Variants in ZC3HC1 observed in about 807,000 individuals in gnomAD.
ZC3HC1 encodes zinc finger C3HC-type containing 1, also known as zinc finger C3HC-type protein 1.
Under a neutral mutation model 61.9 loss-of-function variants are expected in ZC3HC1, and 38 were observed. The observed-to-expected ratio is 0.61, with a 90% CI of 0.47 to 0.81. The LOEUF (loss-of-function observed/expected upper bound fraction) is 0.81. Among genes scored for constraint, ZC3HC1 ranks in the 30% least tolerant of loss-of-function variants. The pLI is 0.00. For missense variants in ZC3HC1, 554 were observed against 622.7 expected, an observed-to-expected ratio of 0.89 and a Z score of 1.17; for synonymous variants, 213 against 229.9, an observed-to-expected ratio of 0.93 and a Z score of 0.67.
rs374532483 is a variant in ZC3HC1 at position 130,032,668 on chromosome 7, T to TGGAAGGAAGGAAGGAA, written c.494-3655_494-3640dup. Among the ~76,000 whole-genome samples, 475 of 58,044 alleles carry TGGAAGGAAGGAAGGAA rather than the reference T, an allele frequency of 8.2e-3. 5 individuals carry two copies. The highest frequency in any genetic ancestry group is 0.01 in the East Asian group (18 of 1,720). The allele number at this position is 58,044 out of a possible 152,430, so 38.1% of individuals were successfully genotyped here. A position where few individuals can be genotyped will look rare whatever the true frequency, so the allele number is the denominator to read the frequency against. Reference sequence around the variant, plus strand: ...AGAAACGTGTACTTGATAGAAGAAATGGAAGGAAGGAAGGAAGGAAGGAAG... The same window carrying TGGAAGGAAGGAAGGAA: ...AGAAACGTGTACTTGATAGAAGAAATGGAAGGAAGGAAGGAAGGAAGGAAGGAAGGAAGGAAGGAAG... On this transcript the variant is annotated intron_variant, in intron 4 of 9. Coordinates refer to ENST00000358303, the MANE Select transcript of ZC3HC1 (RefSeq NM_016478.5).
chr7:130,034,735 C>A (rs1412112321), intron 4 of ZC3HC1, among the ~76,000 whole-genome samples: 1 of 152,082 alleles, frequency 6.6e-6, no homozygotes, highest in Middle Eastern at 3.2e-3. Context: ...AAGTGATCCT[C>A]CCACCTTGGC....
chr7:130,026,382 C>A lies in ZC3HC1; in HGVS notation c.622-70G>T, dbSNP rs1793911503. 4.0e-6 allele frequency: 6 copies of A among 1,517,638 alleles called. No individual in the cohort carries two copies. The South Asian group carries it at 7.3e-5, about 19-fold the overall frequency. The allele number at this position is 1,517,638 out of a possible 1,614,324, so 94.0% of individuals were successfully genotyped here. On this transcript the variant is annotated intron_variant, in intron 5 of 9. Coordinates refer to ENST00000358303, the MANE Select transcript of ZC3HC1 (RefSeq NM_016478.5). The stretch of plus-strand genomic sequence containing the variant: ...AAGAAAAATTACACATTATAACATA[C>A]CTAGATGGTACAAGCCGAAAATCAG...
chr7:130,032,108 T>C (rs1057414148), intron 4 of ZC3HC1, among the ~76,000 whole-genome samples: 15 of 151,812 alleles, frequency 9.9e-5, no homozygotes, highest in Middle Eastern at 3.4e-3. Context: ...CCTGTAATCC[T>C]AGCTACTCGG....
In ZC3HC1 at chr7:130,026,109, T is replaced by TAATGAGG. The variant is rs780330638; in HGVS notation, c.776+48_776+49insCCTCATT. On this transcript the variant is annotated intron_variant, in intron 6 of 9. Coordinates refer to ENST00000358303, the MANE Select transcript of ZC3HC1 (RefSeq NM_016478.5). Reference sequence around the variant, plus strand: ...GATTAGTGACTGATATATATGGGTGTAATGCTGTTGTCATGGTTCATGTCT... The same window carrying TAATGAGG: ...GATTAGTGACTGATATATATGGGTGTAATGAGGAATGCTGTTGTCATGGTTCATGTCT... The TAATGAGG allele has an allele frequency of 2.5e-6, 4 of 1,587,500 alleles. No individual in the cohort carries two copies. In the South Asian group the frequency reaches 4.5e-5, roughly 18 times the overall value.
Position 130,023,160 on chromosome 7 carries a change from G to A in ZC3HC1, c.1233+351C>T, listed in dbSNP as rs1032798187. 1.8e-5 allele frequency: 5 copies of A among 273,394 alleles called. No individual in the cohort carries two copies. Among genetic ancestry groups the A allele is most frequent in the East Asian group, 7.9e-5 (1 of 12,698 alleles). The allele number at this position is 273,394 out of a possible 1,614,324, so 16.9% of individuals were successfully genotyped here. ...ACATGTAATGTGCTCGTATCATCCC[G>A]AAACCATCCTCCCAACCGTGGTCCG... On this transcript the variant is annotated intron_variant, in intron 8 of 9. Coordinates refer to ENST00000358303, the MANE Select transcript of ZC3HC1 (RefSeq NM_016478.5). This position sits in a 1 kb window ranked among gnomAD's most constrained non-coding sequence, Gnocchi z 4.2.
chr7:130,043,800 G>A, intron 2 of ZC3HC1: 1 of 452,880 alleles, frequency 2.2e-6, no homozygotes, highest in Non-Finnish European at 4.4e-6. Flanking sequence ...CCTAAATGGG[G>A]TGACGAGAGA....
rs150862221 is a variant in ZC3HC1 at position 130,024,361 on chromosome 7, G to C, written c.922C>G (p.Leu308Val). The part of the protein sequence containing the change: ...FGLTSSPIPG[L>V]EGRPERLPLV... ...GGTAAGCGCTCTGGTCGCCCCTCAA[G>C]GCCTGGGATTGGGGAGCTGGTCAGG... Residue 308 changes from leucine to valine, a missense_variant, in exon 7 of 10, where the codon CTT becomes GTT. Transcript: ENST00000358303. The C allele has an allele frequency of 3.9e-5, 63 of 1,613,992 alleles. No individual in the cohort carries two copies. Among genetic ancestry groups the C allele is most frequent in the Non-Finnish European group, 5.3e-5 (63 of 1,180,032 alleles).
At chr7:130,040,532 A>G (rs1794611059) in intron 3 of ZC3HC1, among the ~76,000 whole-genome samples, 1 of 149,244 alleles carries the variant, frequency 6.7e-6, no homozygotes, top group Admixed American at 6.7e-5. Context: ...CTGGCCAGGC[A>G]CTATGGCTTA....
chr7:130,024,587 TATCTC>T (rs1222585092), intron 6 of ZC3HC1, 81 bp from the exon 7 acceptor site: 7 of 1,455,854 alleles, frequency 4.8e-6, no homozygotes, highest in Non-Finnish European at 6.4e-6. Context: ...GAGTATGCCT[TATCTC>T]ATCCAATTTC....
rs540983336 is a variant in ZC3HC1 at position 130,041,593 on chromosome 7, C to T, written c.259-492G>A. ...TGGCTGGAGTACAATGGCACAGTCT[C>T]GGCTCGGTTTCTGCAACCTCCACTT... On this transcript the variant is annotated intron_variant, in intron 2 of 9. Transcript: ENST00000358303. Among the ~76,000 whole-genome samples the T allele has an allele frequency of 4.4e-4, 64 of 146,220 alleles. 1 individual carries two copies. The highest frequency in any genetic ancestry group is 1.5e-3 in the African/African-American group (59 of 39,836).
intron 4 of ZC3HC1, among the ~76,000 whole-genome samples, chr7:130,032,341 T>G (rs10266614): frequency 0.016 from 2,404 of 151,876 alleles, 57 homozygotes; most frequent in African/African-American, 0.056. Flanking sequence ...CTACACAGAT[T>G]GAGACAAGAA....
intron 4 of ZC3HC1, among the ~76,000 whole-genome samples, chr7:130,031,042 C>T (rs767012562): frequency 3.3e-4 from 50 of 151,850 alleles, no homozygotes; most frequent in Non-Finnish European, 5.3e-4. Context: ...TGAAAACCGA[C>T]ATCCCAGCGG....
chr7:130,018,671 G>A lies in ZC3HC1; in HGVS notation c.1502C>T (p.Ser501Leu), dbSNP rs778676706. The change falls in exon 10 of 10, where the codon TCA becomes TTA. Residue 501 changes from serine (S) to leucine (L), a missense_variant. By Grantham distance (145) the Ser-to-Leu change is moderately radical. Transcript: ENST00000358303. ...GAAGGCGCTGGAGTATCTTCAGCAT[G>A]AGCACAGAGATTCCCACTGCCGAAA... Reference protein sequence around the residue: ...RIFRQWESLCSC With the variant: ...RIFRQWESLCLC The A allele has an allele frequency of 1.2e-6, 2 of 1,609,782 alleles. No homozygotes were observed. Among genetic ancestry groups the A allele is most frequent in the Middle Eastern group, 1.7e-4 (1 of 6,044 alleles).
At chr7:130,033,004 G>A (rs1794284250) in intron 4 of ZC3HC1, among the ~76,000 whole-genome samples, 1 of 152,068 alleles carries the variant, frequency 6.6e-6, no homozygotes, top group Non-Finnish European at 1.5e-5. Context: ...TGGATACTGA[G>A]GCAGAAGTAT....
At chr7:130,046,197 T>C (rs1207302133) in intron 2 of ZC3HC1, among the ~76,000 whole-genome samples, 1 of 152,170 alleles carries the variant, frequency 6.6e-6, no homozygotes, top group Non-Finnish European at 1.5e-5. Context: ...TAACAGATGC[T>C]GGGCTTAATA....
intron 4 of ZC3HC1, among the ~76,000 whole-genome samples, chr7:130,031,296 G>A (rs1473413886): frequency 7.3e-6 from 1 of 136,310 alleles, no homozygotes; most frequent in East Asian, 2.3e-4. Flanking sequence ...TTGCACTCCA[G>A]CCTGGGCAAC....
intron 1 of ZC3HC1, 23 bp downstream of exon 1, chr7:130,051,198 C>A: frequency 6.3e-7 from 1 of 1,582,600 alleles, no homozygotes; most frequent in Non-Finnish European, 8.6e-7. Flanking sequence ...AACGCCGGAC[C>A]CAGGGTTAAC....
chr7:130,021,669 G>C (rs138695595), intron 9 of ZC3HC1, among the ~76,000 whole-genome samples: 1 of 152,334 alleles, frequency 6.6e-6, no homozygotes, highest in African/African-American at 2.4e-5. Flanking sequence ...GCAAGTGACA[G>C]CAAATGAAAG....
At position 130,036,390 on chromosome 7, in the gene ZC3HC1, C is replaced by T. The variant is rs140559896; in HGVS notation, c.493+3074G>A. On this transcript the variant is annotated intron_variant, in intron 4 of 9. Coordinates refer to ENST00000358303, the MANE Select transcript of ZC3HC1 (RefSeq NM_016478.5). ...CTTTGGGAGGCTGAGGCAGGAGAAT[C>T]GCTTGAACTCAGGAGGGAAAAATTA... Among the ~76,000 whole-genome samples, 447 of 151,732 alleles carry T rather than the reference C, an allele frequency of 2.9e-3. 5 individuals are homozygous for T. The highest frequency in any genetic ancestry group is 0.01 in the African/African-American group (419 of 41,406).
Sources: gnomAD v4.1 joint callset for allele counts (sites outside exome capture counted in the v4.1 genomes callset) on GRCh38, gnomAD v4.1.1 for gene constraint, Gnocchi (gnomAD v3.1) non-coding constraint, MANE v1.5 for transcripts, NCBI Gene and HGNC (gene_info 2026-07-23, HGNC 2026-07-21) for gene names.